NRXN3: variants seen among roughly 807,000 people sequenced by gnomAD.
The protein encoded by NRXN3 is neurexin III.
Under a neutral mutation model 137.6 loss-of-function variants are expected in NRXN3, and 32 were observed. That is an observed-to-expected ratio of 0.23 (90% CI 0.18 to 0.31). The LOEUF (loss-of-function observed/expected upper bound fraction) is 0.31. Ranked by LOEUF, NRXN3 falls within the 10% of genes least tolerant of loss-of-function variation. NRXN3 has a pLI of 1.00. For synonymous variants in NRXN3, 798 were observed against 784.5 expected (o/e 1.02, Z -0.29); for missense variants, 1,574 against 2,062.5 (o/e 0.76, Z 4.59).
At chr14:79,212,620 A>G (rs2067843983) in intron 15 of NRXN3, among the ~76,000 whole-genome samples, 1 of 152,192 alleles carries the variant, frequency 6.6e-6, no homozygotes, top group Non-Finnish European at 1.5e-5. Context: ...CTTCCTCACT[A>G]TATGGATATA....
intron 4 of NRXN3, among the ~76,000 whole-genome samples, chr14:78,299,888 T>C (rs955996990): frequency 2.0e-5 from 3 of 152,212 alleles, no homozygotes; most frequent in African/African-American, 7.2e-5. Context: ...GGATGCAGAA[T>C]TCTTCTGGGT....
chr14:78,488,848 G>T (rs1177695522), intron 4 of NRXN3, among the ~76,000 whole-genome samples: 7 of 149,388 alleles, frequency 4.7e-5, no homozygotes, highest in Non-Finnish European at 8.9e-5. Flanking sequence ...GAATGGGAGG[G>T]GAAAGGTGGA....
chr14:79,096,550 C>G (rs2152826788), intron 15 of NRXN3, among the ~76,000 whole-genome samples: 1 of 152,142 alleles, frequency 6.6e-6, no homozygotes, highest in South Asian at 2.1e-4. Context: ...TGAGCCATGG[C>G]TCCTTCCCTG....
chr14:78,173,439 C>T (rs932878496), intron 1 of NRXN3, among the ~76,000 whole-genome samples: 3 of 150,986 alleles, frequency 2.0e-5, no homozygotes, highest in East Asian at 3.9e-4. Context: ...AGATGGGGGA[C>T]GGGTTGTCAG....
chr14:79,439,047 A>T (rs2095888837), intron 15 of NRXN3, among the ~76,000 whole-genome samples: 1 of 152,186 alleles, frequency 6.6e-6, no homozygotes. Flanking sequence ...TCATGCAGTT[A>T]TTTTCTCTGC....
chr14:79,596,184 A>G (rs765789296), intron 16 of NRXN3, among the ~76,000 whole-genome samples: 1 of 151,924 alleles, frequency 6.6e-6, no homozygotes, highest in African/African-American at 2.4e-5. Flanking sequence ...GCTGTAAAAT[A>G]TGCATTATGG....
chr14:79,198,507 T>G (rs1019646416), intron 15 of NRXN3, among the ~76,000 whole-genome samples: 2 of 152,232 alleles, frequency 1.3e-5, no homozygotes, highest in Non-Finnish European at 2.9e-5. Context: ...ATTTGCTTCA[T>G]TAGACAGCTA....
At chr14:79,812,172 TTAG>T (rs2099236515) in intron 20 of NRXN3, among the ~76,000 whole-genome samples, 1 of 152,106 alleles carries the variant, frequency 6.6e-6, no homozygotes, top group Non-Finnish European at 1.5e-5. Context: ...CCAAGATTTT[TTAG>T]TAGGTTGGAG....
At chr14:78,395,584 G>C (rs1160493518) in intron 4 of NRXN3, among the ~76,000 whole-genome samples, 1 of 151,846 alleles carries the variant, frequency 6.6e-6, no homozygotes, top group Non-Finnish European at 1.5e-5. Context: ...CTATCTAGTT[G>C]TCCTATCGAT....
At position 78,850,450 on chromosome 14, in the gene NRXN3, G is replaced by A. The variant is rs566567560; in HGVS notation, c.2275+40106G>A. Among the ~76,000 whole-genome samples the A allele has an allele frequency of 3.9e-5, 6 of 152,218 alleles. No individual in the cohort carries two copies. In the East Asian group the frequency reaches 7.7e-4, roughly 20 times the overall value. Reference sequence around the variant, plus strand: ...ACATTTGAATACGGATTAACATTTGGTGTGTCCTTTGAACAAAAGGTTAAA... The same window carrying A: ...ACATTTGAATACGGATTAACATTTGATGTGTCCTTTGAACAAAAGGTTAAA... On this transcript the variant is annotated intron_variant, in intron 10 of 20. Coordinates refer to ENST00000335750, the MANE Select transcript of NRXN3 (RefSeq NM_001330195.2).
chr14:78,822,495 T>C (rs192705999), intron 10 of NRXN3, among the ~76,000 whole-genome samples: 1 of 151,990 alleles, frequency 6.6e-6, no homozygotes, highest in East Asian at 1.9e-4. Context: ...GCCAACATGG[T>C]GAAACCCTGT....
chr14:79,083,847 G>A (rs998870556), intron 15 of NRXN3, among the ~76,000 whole-genome samples: 12 of 152,288 alleles, frequency 7.9e-5, no homozygotes, highest in African/African-American at 2.6e-4. Flanking sequence ...TCTGAGCTAA[G>A]TTTTGTTGTG....
chr14:79,674,688 C>G (rs2098631183), intron 17 of NRXN3, among the ~76,000 whole-genome samples: 1 of 151,964 alleles, frequency 6.6e-6, no homozygotes, highest in Non-Finnish European at 1.5e-5. Context: ...TGCAAATGTA[C>G]TATTATTTCC....
chr14:79,547,934 C>T (rs1236815386), intron 16 of NRXN3, among the ~76,000 whole-genome samples: 2 of 152,032 alleles, frequency 1.3e-5, no homozygotes, highest in African/African-American at 4.8e-5. Context: ...GCAACTTTAA[C>T]AATGCAGGGG....
At chr14:78,701,018 C>T (rs1339783185) in intron 6 of NRXN3, among the ~76,000 whole-genome samples, 2 of 152,162 alleles carry the variant, frequency 1.3e-5, no homozygotes, top group African/African-American at 4.8e-5. Flanking sequence ...TATCCACCTG[C>T]CTCGGCCTCC....
rs1000938170 is a variant in NRXN3, at chr14:78,222,318, GCA to G, written c.-703-20060_-703-20059del. 1.5e-3 allele frequency among the ~76,000 whole-genome samples: 181 copies of G among 120,716 alleles called. 1 individual carries two copies. The highest frequency in any genetic ancestry group is 2.4e-3 in the Non-Finnish European group (120 of 50,054). The allele number at this position is 120,716 out of a possible 152,430, so 79.2% of individuals were successfully genotyped here. On this transcript the variant is annotated intron_variant, in intron 1 of 20. Transcript: ENST00000335750. The stretch of plus-strand genomic sequence containing the variant: ...GAGGTCCTAGCCTTAGGAATAAAGG[GCA>G]CACACACACACATACACACACACAC...
intron 4 of NRXN3, among the ~76,000 whole-genome samples, chr14:78,346,589 C>T (rs1232243189): frequency 6.6e-6 from 1 of 152,160 alleles, no homozygotes; most frequent in Non-Finnish European, 1.5e-5. Flanking sequence ...GAACACAATA[C>T]AACTGGGGTG....
At chr14:79,341,276 C>G (rs2092597912) in intron 15 of NRXN3, among the ~76,000 whole-genome samples, 1 of 152,160 alleles carries the variant, frequency 6.6e-6, no homozygotes. Context: ...TCTCCTTCAA[C>G]TGTAACAGCA....
At chr14:78,989,058 A>C (rs1032207526) in intron 15 of NRXN3, among the ~76,000 whole-genome samples, 1 of 152,174 alleles carries the variant, frequency 6.6e-6, no homozygotes, top group Non-Finnish European at 1.5e-5. Context: ...CACACACTTG[A>C]AATTTCTGAA....
Sources: gnomAD v4.1 joint callset for allele counts (sites outside exome capture counted in the v4.1 genomes callset) on GRCh38, gnomAD v4.1.1 for gene constraint, MANE v1.5 for transcripts, NCBI Gene and HGNC (gene_info 2026-07-23, HGNC 2026-07-21) for gene names.